Variants in GPD2 observed in about 807,000 individuals in gnomAD.
The protein encoded by GPD2 is glycerol-3-phosphate dehydrogenase 2.
Under a neutral mutation model 82.4 loss-of-function variants are expected in GPD2, and 54 were observed. The observed-to-expected ratio is 0.66, with a 90% confidence interval of 0.53 to 0.82. GPD2 has a LOEUF of 0.82. Ranked by LOEUF, GPD2 falls within the 40% of genes least tolerant of loss-of-function variation. GPD2 has a pLI of 0.00. For missense variants in GPD2, 748 were observed against 896.2 expected (o/e 0.83, Z 2.11); for synonymous variants, 288 against 306.1 (o/e 0.94, Z 0.62).
chr2:156,462,325 G>C (rs1683015471), intron 1 of GPD2, among the ~76,000 whole-genome samples: 1 of 151,456 alleles, frequency 6.6e-6, no homozygotes, highest in Non-Finnish European at 1.5e-5. Context: ...TGCTCTTGTT[G>C]CCCAGGCTGG....
At position 156,482,618 on chromosome 2, in the gene GPD2, A is replaced by G. The variant is rs187099462; in HGVS notation, c.102+6411A>G. On this transcript the variant is annotated intron_variant, in intron 2 of 16. Transcript: ENST00000438166. ...ATCATTGTAGCTTGAAATGGAATGC[A>G]ATTAAACTAATTTCTTCTTTCCCAA... 2.0e-5 allele frequency among the ~76,000 whole-genome samples: 3 copies of G among 152,300 alleles called. No homozygotes were observed. The East Asian group carries it at 5.8e-4, about 29-fold the overall frequency.
In GPD2 at chr2:156,550,868, A is replaced by G. The variant is rs1021022351; in HGVS notation, c.971+122A>G. Reference sequence around the variant, plus strand: ...AACTTGCTGTTCAAAATCAGGAGAAATAAGTAAAGGAACTCTTCCAAAACA... The same window carrying G: ...AACTTGCTGTTCAAAATCAGGAGAAGTAAGTAAAGGAACTCTTCCAAAACA... On this transcript the variant is annotated intron_variant, in intron 8 of 16. Transcript: ENST00000438166. 5 of 861,714 alleles carry G rather than the reference A, an allele frequency of 5.8e-6. No individual in the cohort carries two copies. In the Admixed American group the frequency reaches 8.0e-5, roughly 14 times the overall value. The allele number at this position is 861,714 out of a possible 1,614,324, so 53.4% of individuals were successfully genotyped here.
At chr2:156,549,485 G>A (rs951608780) in intron 6 of GPD2, 123 bp from the exon 7 acceptor site, 9 of 874,956 alleles carry the variant, frequency 1.0e-5, no homozygotes, top group Non-Finnish European at 1.6e-5. Flanking sequence ...AAGCTGCCCA[G>A]CCATCATGCA....
intron 1 of GPD2, among the ~76,000 whole-genome samples, chr2:156,455,272 T>G (rs933525477): frequency 3.9e-5 from 6 of 152,222 alleles, no homozygotes; most frequent in African/African-American, 1.4e-4. Flanking sequence ...TCTGGAAAAT[T>G]AGGAATGAGA....
At chr2:156,450,301 G>T (rs1682510596) in intron 1 of GPD2, among the ~76,000 whole-genome samples, 1 of 152,208 alleles carries the variant, frequency 6.6e-6, no homozygotes, top group South Asian at 2.1e-4. Context: ...GAGATTCTGA[G>T]AGGGGTTTGG....
At chr2:156,478,430 G>T (rs942180262) in intron 2 of GPD2, among the ~76,000 whole-genome samples, 7 of 152,062 alleles carry the variant, frequency 4.6e-5, no homozygotes, top group African/African-American at 1.7e-4. Context: ...GGTGATTCCT[G>T]TCCCTTTAAG....
At chr2:156,447,172 C>T (rs1682395838) in intron 1 of GPD2, among the ~76,000 whole-genome samples, 1 of 152,200 alleles carries the variant, frequency 6.6e-6, no homozygotes, top group Admixed American at 6.5e-5. Flanking sequence ...CAATAACCAA[C>T]ATTGCACCTG....
rs1195751587 is a variant in GPD2 at position 156,582,175 on chromosome 2, C to T, written c.2059-618C>T. On this transcript the variant is annotated intron_variant, in intron 16 of 16. Transcript: ENST00000438166. ...GCCTTCCAGATTAAAGGCCTTTGCCCGCTGCCTGCATGTAATTTCAAGACT... is the reference window on the plus strand; with the variant it reads ...GCCTTCCAGATTAAAGGCCTTTGCCTGCTGCCTGCATGTAATTTCAAGACT... Among the ~76,000 whole-genome samples, 5 of 151,946 alleles carry T rather than the reference C, an allele frequency of 3.3e-5. No homozygotes were observed. The East Asian group carries it at 5.8e-4, about 18-fold the overall frequency.
chr2:156,401,178 C>T, the GPD2 span, among the ~76,000 whole-genome samples: 6 of 152,158 alleles, frequency 3.9e-5, no homozygotes, highest in East Asian at 1.9e-4. Flanking sequence ...CCGGGCCTCC[C>T]GCGTGGCAGG....
chr2:156,564,432 C>T (rs899827214), intron 9 of GPD2, among the ~76,000 whole-genome samples: 5 of 152,222 alleles, frequency 3.3e-5, no homozygotes, highest in South Asian at 2.1e-4. Context: ...TGGGTAAATA[C>T]GTGATATGGA....
chr2:156,583,090 G>C lies in GPD2; in HGVS notation c.*172G>C. 1 of 701,748 alleles carries C rather than the reference G, an allele frequency of 1.4e-6. No individual in the cohort carries two copies. The highest frequency in any genetic ancestry group is 2.5e-6 in the Non-Finnish European group (1 of 401,196). 43.5% of individuals were successfully genotyped at this position (701,748 alleles called of 1,614,324 possible). ...GGTGTATTTGCCAGCTTTATTTGCT[G>C]TACTTTATTTGTATTTGCCATTCAG... On this transcript the variant is annotated 3_prime_UTR_variant, in exon 17 of 17. Transcript: ENST00000438166.
Position 156,556,166 on chromosome 2 carries a change from G to A in GPD2, c.972-1223G>A, listed in dbSNP as rs572386676. Among the ~76,000 whole-genome samples the A allele has an allele frequency of 4.9e-4, 74 of 152,230 alleles. 1 individual carries two copies. The highest frequency in any genetic ancestry group is 8.3e-4 in the South Asian group (4 of 4,824). On this transcript the variant is annotated intron_variant, in intron 8 of 16. Coordinates refer to ENST00000438166, the MANE Select transcript of GPD2 (RefSeq NM_000408.5). ...AACATGTTAAGGGAATGATGATAAA[G>A]ATAAAAATCTGACTGTGTGTCTTTT...
intron 9 of GPD2, among the ~76,000 whole-genome samples, chr2:156,565,574 C>T (rs1411179313): frequency 6.6e-6 from 1 of 152,040 alleles, no homozygotes; most frequent in Non-Finnish European, 1.5e-5. Flanking sequence ...CTTTCCTCGC[C>T]AGTTAATTAT....
intron 16 of GPD2, among the ~76,000 whole-genome samples, chr2:156,581,961 G>A (rs886998744): frequency 2.6e-5 from 4 of 151,810 alleles, no homozygotes; most frequent in East Asian, 1.9e-4. Flanking sequence ...GTGTGTGTGT[G>A]TATATATATA....
At chr2:156,495,807 A>G in intron 2 of GPD2, 1 of 508,828 alleles carries the variant, frequency 2.0e-6, no homozygotes, top group South Asian at 2.1e-5. Context: ...TGAGACATTG[A>G]ATCTGAAACC....
intron 6 of GPD2, among the ~76,000 whole-genome samples, chr2:156,518,336 CA>C (rs1479931420): frequency 6.6e-6 from 1 of 152,152 alleles, no homozygotes; most frequent in Non-Finnish European, 1.5e-5. Flanking sequence ...TATAATGATC[CA>C]AAATGACAGG....
intron 2 of GPD2, among the ~76,000 whole-genome samples, chr2:156,477,296 A>T (rs1377649676): frequency 6.6e-6 from 1 of 152,002 alleles, no homozygotes; most frequent in African/African-American, 2.4e-5. Context: ...GCTGGGCGTG[A>T]TGGTGTACAT....
the GPD2 span, among the ~76,000 whole-genome samples, chr2:156,401,342 T>TA: frequency 6.6e-6 from 1 of 152,202 alleles, no homozygotes; most frequent in Non-Finnish European, 1.5e-5. Context: ...CACATAGTTA[T>TA]AAAAAATTAG....
At chr2:156,510,451 A>C (rs551552398) in intron 3 of GPD2, among the ~76,000 whole-genome samples, 1 of 152,338 alleles carries the variant, frequency 6.6e-6, no homozygotes, top group Admixed American at 6.5e-5. Flanking sequence ...AAGGCTTTGC[A>C]ACAACATTCA....
Sources: allele counts gnomAD v4.1 joint callset (sites outside exome capture counted in the v4.1 genomes callset), GRCh38; gene constraint gnomAD v4.1.1; transcripts MANE v1.5; gene names NCBI Gene and HGNC (gene_info 2026-07-23, HGNC 2026-07-21).